FNDC3B: variants seen among roughly 807,000 people sequenced by gnomAD.
FNDC3B encodes fibronectin type III domain-containing protein 3B.
Under a neutral mutation model 151.5 loss-of-function variants are expected in FNDC3B, and 12 were observed. The ratio of observed to expected loss-of-function variants is 0.08; its 90% CI spans 0.05 to 0.13. The LOEUF (loss-of-function observed/expected upper bound fraction) is 0.13, where lower values mean the gene tolerates loss of function less well. Ranked by LOEUF, FNDC3B falls within the 10% of genes least tolerant of loss-of-function variation. The pLI is 1.00. For synonymous variants in FNDC3B, 528 were observed against 549.0 expected (o/e 0.96, Z 0.54); for missense variants, 1,214 against 1,505.3 (o/e 0.81, Z 3.20).
intron 10 of FNDC3B, among the ~76,000 whole-genome samples, chr3:172,309,121 T>C (rs1209118121): frequency 6.6e-6 from 1 of 152,226 alleles, no homozygotes; most frequent in Non-Finnish European, 1.5e-5. Context: ...ATACTCTTGT[T>C]CCATTCAGTC....
intron 3 of FNDC3B, among the ~76,000 whole-genome samples, chr3:172,194,132 A>G (rs1442702568): frequency 1.3e-5 from 2 of 152,052 alleles, no homozygotes; most frequent in African/African-American, 2.4e-5. Context: ...AGGCAGGAGA[A>G]CGGCGTGAAC....
intron 23 of FNDC3B, 150 bp from the exon 24 acceptor site, chr3:172,378,120 C>T: frequency 1.6e-5 from 9 of 566,552 alleles, no homozygotes; most frequent in South Asian, 5.9e-5. Flanking sequence ...TAAGCTTAAC[C>T]CTAATGTAGC....
intron 3 of FNDC3B, among the ~76,000 whole-genome samples, chr3:172,155,312 T>C (rs1215073981): frequency 3.9e-5 from 6 of 152,340 alleles, no homozygotes; most frequent in Non-Finnish European, 8.8e-5. Context: ...TGATTCTCTT[T>C]ACAGCTGTGG....
intron 11 of FNDC3B, among the ~76,000 whole-genome samples, chr3:172,327,512 C>T (rs1732418575): frequency 6.6e-6 from 1 of 152,186 alleles, no homozygotes; most frequent in African/African-American, 2.4e-5. Flanking sequence ...GCCATTCTCC[C>T]TCCTCAGCCC....
intron 2 of FNDC3B, among the ~76,000 whole-genome samples, chr3:172,124,968 A>T (rs1378186676): frequency 6.6e-6 from 1 of 152,222 alleles, no homozygotes; most frequent in Non-Finnish European, 1.5e-5. Flanking sequence ...AGTATTTGCA[A>T]CTGGCAAATC....
At chr3:172,148,374 T>TAA (rs111712874) in intron 3 of FNDC3B, among the ~76,000 whole-genome samples, 3 of 151,398 alleles carry the variant, frequency 2.0e-5, no homozygotes, top group African/African-American at 7.3e-5. Context: ...ATGTGGAGGG[T>TAA]AAAAAAAATA....
chr3:172,191,110 C>T (rs1724488862), intron 3 of FNDC3B, among the ~76,000 whole-genome samples: 2 of 152,126 alleles, frequency 1.3e-5, no homozygotes, highest in South Asian at 4.1e-4. Flanking sequence ...TCCTTATGTT[C>T]CAGACGAAGA....
intron 3 of FNDC3B, among the ~76,000 whole-genome samples, chr3:172,145,078 G>A (rs1004208654): frequency 6.6e-6 from 1 of 151,736 alleles, no homozygotes; most frequent in Admixed American, 6.6e-5. Flanking sequence ...CTGAATTAAG[G>A]TCGAAGCATT....
At chr3:172,341,275 T>A in intron 17 of FNDC3B, 44 bp downstream of exon 17, 1 of 1,357,134 alleles carries the variant, frequency 7.4e-7, no homozygotes, top group South Asian at 1.2e-5. Flanking sequence ...TTGATCAAAT[T>A]CGGACAAACT....
intron 3 of FNDC3B, among the ~76,000 whole-genome samples, chr3:172,137,313 TC>T (rs1721421647): frequency 1.3e-5 from 2 of 152,208 alleles, no homozygotes; most frequent in South Asian, 4.1e-4. Context: ...CCTCAGAAGC[TC>T]ATTGTGATCT....
In FNDC3B at chr3:172,397,294, C is replaced by T. The variant is rs751140390; in HGVS notation, c.3434C>T (p.Ser1145Phe). The T allele has an allele frequency of 3.7e-6, 6 of 1,614,090 alleles. No individual in the cohort carries two copies. The African/African-American group carries it at 8.0e-5, about 22-fold the overall frequency. ...SQELSGAFSP[S>F]AAFVLQRSEV... Reference sequence around the variant, plus strand: ...GAGCTAAGCGGAGCCTTCAGCCCCTCTGCGGCTTTTGTATTACAACGAAGT... The same window carrying T: ...GAGCTAAGCGGAGCCTTCAGCCCCTTTGCGGCTTTTGTATTACAACGAAGT... The change falls in exon 26 of 26, where the codon TCT (serine) becomes TTT (phenylalanine). Residue 1145 changes from serine to phenylalanine, a missense_variant. Ser to Phe is a radical substitution (Grantham distance 155). This residue lies in a region of FNDC3B where 284 missense variants were observed against 392.4 expected (regional missense o/e 0.72). Transcript: ENST00000415807.
intron 3 of FNDC3B, among the ~76,000 whole-genome samples, chr3:172,174,942 C>CCCCCCCCCCCCA (rs1553769237): frequency 3.0e-5 from 2 of 66,382 alleles, no homozygotes; most frequent in Non-Finnish European, 8.0e-5. Context: ...CACCCCCCCC[C>CCCCCCCCCCCCA]CCCCAATACA....
intron 11 of FNDC3B, among the ~76,000 whole-genome samples, chr3:172,322,976 G>A (rs995753275): frequency 6.6e-5 from 10 of 152,162 alleles, no homozygotes; most frequent in African/African-American, 1.7e-4. Context: ...AAGCAGGATC[G>A]TGTATTCTGT....
At chr3:172,328,330 A>C (rs1732463683) in intron 11 of FNDC3B, among the ~76,000 whole-genome samples, 1 of 152,242 alleles carries the variant, frequency 6.6e-6, no homozygotes, top group African/African-American at 2.4e-5. Context: ...TTATGAGCAA[A>C]GCAGACGTGG....
At chr3:172,369,667 C>G (rs563353038) in intron 23 of FNDC3B, among the ~76,000 whole-genome samples, 1 of 152,204 alleles carries the variant, frequency 6.6e-6, no homozygotes, top group South Asian at 2.1e-4. Context: ...CCTCTTTTCT[C>G]AATAGCTGTT....
Position 172,397,338 on chromosome 3 carries a change from G to A in FNDC3B, c.3478G>A (p.Asp1160Asn). Reference protein sequence around the residue: ...LQRSEVMLTGDMGSLDDPKMK... With the variant: ...LQRSEVMLTGNMGSLDDPKMK... ...ACGAAGTGAGGTCATGCTTACAGGG[G>A]ACATGGGGAGCTTAGATGATCCCAA... The change falls in exon 26 of 26, where the codon GAC becomes AAC. Residue 1160 changes from aspartate to asparagine, a missense_variant. Coordinates refer to ENST00000415807, the MANE Select transcript of FNDC3B (RefSeq NM_022763.4). The A allele has an allele frequency of 6.2e-7, 1 of 1,614,194 alleles. No homozygotes were observed. The highest frequency in any genetic ancestry group is 8.5e-7 in the Non-Finnish European group (1 of 1,180,022).
rs141101235 is a variant in FNDC3B at position 172,187,996 on chromosome 3, G to T, written c.188-38875G>T. Among the ~76,000 whole-genome samples the T allele has an allele frequency of 3.0e-5, 4 of 134,670 alleles. 1 individual carries two copies. The highest frequency in any genetic ancestry group is 2.1e-4 in the East Asian group (1 of 4,808). The allele number at this position is 134,670 out of a possible 152,430, so 88.3% of individuals were successfully genotyped here. A position where few individuals can be genotyped will look rare whatever the true frequency, so the allele number is the denominator to read the frequency against. On this transcript the variant is annotated intron_variant, in intron 3 of 25. Coordinates refer to ENST00000415807, the MANE Select transcript of FNDC3B (RefSeq NM_022763.4). ...TAAATTCCATTTTTATATTTAAGCA[G>T]TTTTTTTTTTTTTTTTGAGACGGAG...
At chr3:172,266,599 G>A (rs1001817499) in intron 6 of FNDC3B, among the ~76,000 whole-genome samples, 2 of 152,154 alleles carry the variant, frequency 1.3e-5, no homozygotes, top group East Asian at 1.9e-4. Flanking sequence ...AGCTCCCTCC[G>A]GAGGCTCTAG....
intron 3 of FNDC3B, among the ~76,000 whole-genome samples, chr3:172,200,667 A>G (rs1725100636): frequency 1.3e-5 from 2 of 152,222 alleles, no homozygotes; most frequent in Admixed American, 6.5e-5. Flanking sequence ...TATTAAATGC[A>G]ATTTTGACAA....
Sources: allele counts gnomAD v4.1 joint callset (sites outside exome capture counted in the v4.1 genomes callset), GRCh38; gene constraint gnomAD v4.1.1; regional missense constraint gnomAD v4.1.1; transcripts MANE v1.5; gene names NCBI Gene and HGNC (gene_info 2026-07-23, HGNC 2026-07-21).